The following RYR3 variants were observed in gnomAD, a reference collection of about 807,000 sequenced individuals.
The protein encoded by RYR3 is brain ryanodine receptor-calcium release channel.
In RYR3, 207 loss-of-function variants were observed where a neutral mutation model predicts 584.3. That is an observed-to-expected ratio of 0.35 (90% CI 0.32 to 0.40). RYR3 has a LOEUF of 0.40. Ranked by LOEUF, RYR3 falls within the 10% of genes least tolerant of loss-of-function variation. RYR3 has a pLI of 1.00. For missense variants in RYR3, 5,616 were observed against 6,089.2 expected (o/e 0.92, Z 2.59); for synonymous variants, 2,416 against 2,248.5 (o/e 1.07, Z -2.11).
At chr15:33,342,500 G>A (rs1971943301) in intron 1 of RYR3, among the ~76,000 whole-genome samples, 1 of 152,108 alleles carries the variant, frequency 6.6e-6, no homozygotes, top group Admixed American at 6.5e-5. Flanking sequence ...ACTAAGTATT[G>A]AAAATATATT....
intron 59 of RYR3, among the ~76,000 whole-genome samples, chr15:33,757,143 C>G (rs2071921276): frequency 1.3e-5 from 2 of 152,162 alleles, no homozygotes; most frequent in South Asian, 4.1e-4. Context: ...AGGCTAGTGG[C>G]ACTAAGCCAT....
intron 60 of RYR3, among the ~76,000 whole-genome samples, chr15:33,761,776 C>T (rs2072472924): frequency 6.6e-6 from 1 of 152,294 alleles, no homozygotes; most frequent in Admixed American, 6.5e-5. Flanking sequence ...TATTCTGGTA[C>T]CAAAACCTGG....
At position 33,586,121 on chromosome 15, in the gene RYR3, G is replaced by A. The variant is rs1248184136; in HGVS notation, c.1788+5G>A. On this transcript the variant is annotated splice_donor_5th_base_variant and intron_variant, in intron 16 of 103. Coordinates refer to ENST00000634891, the MANE Select transcript of RYR3 (RefSeq NM_001036.6). ...AAGCACGGGCGGAATCACAAGGTAG[G>A]TGTGGAAAGAACGGTGATTGACTTT... 3 of 1,558,796 alleles carry A rather than the reference G, an allele frequency of 1.9e-6. No homozygotes were observed. The highest frequency in any genetic ancestry group is 2.7e-5 in the African/African-American group (2 of 73,852).
At chr15:33,827,954 C>T (rs2077465935) in intron 85 of RYR3, among the ~76,000 whole-genome samples, 1 of 152,198 alleles carries the variant, frequency 6.6e-6, no homozygotes, top group South Asian at 2.1e-4. Context: ...TATTGTGCTT[C>T]ACAGATGCTG....
intron 60 of RYR3, among the ~76,000 whole-genome samples, chr15:33,760,628 G>A (rs1265246434): frequency 6.6e-6 from 1 of 152,134 alleles, no homozygotes; most frequent in Non-Finnish European, 1.5e-5. Context: ...CCTACAAACA[G>A]ACTTAGACTC....
At chr15:33,751,694 G>C (rs1183477007) in intron 57 of RYR3, among the ~76,000 whole-genome samples, 1 of 151,936 alleles carries the variant, frequency 6.6e-6, no homozygotes, top group Non-Finnish European at 1.5e-5. Flanking sequence ...TGTTCACTCT[G>C]ATGGTAGTTT....
intron 64 of RYR3, among the ~76,000 whole-genome samples, chr15:33,774,570 C>A (rs1402420372): frequency 6.6e-6 from 1 of 152,150 alleles, no homozygotes; most frequent in Non-Finnish European, 1.5e-5. Flanking sequence ...AACTAAGGAA[C>A]TACTGACTTG....
At position 33,840,862 on chromosome 15, in the gene RYR3, A is replaced by G; in HGVS notation, c.13016A>G (p.Lys4339Arg). Residue 4339 changes from lysine (K) to arginine (R), a missense_variant, in exon 90 of 104, where the codon AAA (lysine) becomes AGA (arginine). Physicochemically the swap from Lys to Arg is conservative, Grantham distance 26 (BLOSUM62 2). Transcript: ENST00000634891. ...EMKAANEAEG[K>R]VESEKADMED... is the part of the protein sequence containing the mutation. ...AAAGCAGCAAATGAAGCAGAAGGAA[A>G]AGTAGAATCCGAGAAGGCAGAGTAA... is the stretch of plus-strand genomic sequence containing the variant. 1 of 1,613,938 alleles carries G rather than the reference A, an allele frequency of 6.2e-7. No homozygotes were observed.
At chr15:33,637,565 A>G (rs1423878426) in intron 27 of RYR3, among the ~76,000 whole-genome samples, 2 of 152,242 alleles carry the variant, frequency 1.3e-5, no homozygotes, top group Non-Finnish European at 2.9e-5. Context: ...TCTGTAGATG[A>G]TGAGGGCTCC....
At chr15:33,750,100 G>A in intron 56 of RYR3, 46 bp downstream of exon 56, 1 of 1,607,484 alleles carries the variant, frequency 6.2e-7, no homozygotes, top group South Asian at 1.1e-5. Flanking sequence ...AACCGGGGCA[G>A]CTATGGTCTC....
chr15:33,437,609 G>A (rs995207535), intron 1 of RYR3, among the ~76,000 whole-genome samples: 3 of 152,224 alleles, frequency 2.0e-5, no homozygotes, highest in South Asian at 2.1e-4. Context: ...AAGGAAGAAC[G>A]GAGTTGGGAT....
chr15:33,623,025 CTG>C (rs2060804264), intron 19 of RYR3, among the ~76,000 whole-genome samples: 1 of 152,194 alleles, frequency 6.6e-6, no homozygotes, highest in Admixed American at 6.5e-5. Context: ...CCTGCTATTA[CTG>C]TGAGACCTTT....
At chr15:33,764,419 G>C (rs979094429) in intron 60 of RYR3, among the ~76,000 whole-genome samples, 1 of 152,102 alleles carries the variant, frequency 6.6e-6, no homozygotes, top group Non-Finnish European at 1.5e-5. Flanking sequence ...ACACACCGGG[G>C]CCTGTCAGGA....
At chr15:33,825,782 G>A in intron 82 of RYR3, 106 bp downstream of exon 82, 1 of 695,670 alleles carries the variant, frequency 1.4e-6, no homozygotes, top group Non-Finnish European at 2.3e-6. Flanking sequence ...GCTCAGGCTG[G>A]ACTGCAGTGG....
intron 2 of RYR3, among the ~76,000 whole-genome samples, chr15:33,502,218 T>C (rs1246699096): frequency 3.3e-5 from 5 of 152,190 alleles, no homozygotes; most frequent in Non-Finnish European, 5.9e-5. Context: ...TATCTTATTT[T>C]TGAGAATGTT....
At chr15:33,602,434 G>T (rs1206334177) in intron 17 of RYR3, among the ~76,000 whole-genome samples, 1 of 152,164 alleles carries the variant, frequency 6.6e-6, no homozygotes, top group Non-Finnish European at 1.5e-5. Flanking sequence ...TAAGAGACCA[G>T]TGTTATTAAT....
At chr15:33,702,026 A>G (rs2152775319) in intron 42 of RYR3, among the ~76,000 whole-genome samples, 1 of 152,244 alleles carries the variant, frequency 6.6e-6, no homozygotes, top group South Asian at 2.1e-4. Flanking sequence ...CTTTATTCTG[A>G]ATGCTTCCCA....
At chr15:33,431,425 A>G (rs1333731934) in intron 1 of RYR3, among the ~76,000 whole-genome samples, 3 of 152,170 alleles carry the variant, frequency 2.0e-5, no homozygotes, top group Non-Finnish European at 4.4e-5. Context: ...ATATGTATGT[A>G]TAGATATGTT....
chr15:33,769,841 C>T (rs1415115908), intron 62 of RYR3, among the ~76,000 whole-genome samples: 2 of 151,956 alleles, frequency 1.3e-5, no homozygotes, highest in Middle Eastern at 3.2e-3. Flanking sequence ...CCCAACTACT[C>T]GGGTGGCTGA....
Sources: gnomAD v4.1 joint callset for allele counts (sites outside exome capture counted in the v4.1 genomes callset) on GRCh38, gnomAD v4.1.1 for gene constraint, MANE v1.5 for transcripts, NCBI Gene and HGNC (gene_info 2026-07-23, HGNC 2026-07-21) for gene names.